CARMIL2: variants seen among roughly 807,000 people sequenced by gnomAD.
The protein encoded by CARMIL2 is capping protein regulator and myosin 1 linker 2, also known as capping protein, Arp2/3 and myosin-I linker protein 2.
In CARMIL2, 96 loss-of-function variants were observed where a neutral mutation model predicts 173.3. That is an observed-to-expected ratio of 0.55 (90% CI 0.47 to 0.66). The LOEUF (loss-of-function observed/expected upper bound fraction) is 0.66, where lower values mean the gene tolerates loss of function less well. Ranked by LOEUF, CARMIL2 falls within the 30% of genes least tolerant of loss-of-function variation. CARMIL2 has a pLI of 0.00. For synonymous variants in CARMIL2, 830 were observed against 817.1 expected (o/e 1.02, Z -0.27); for missense variants, 1,771 against 1,906.7 (o/e 0.93, Z 1.33).
At position 67,647,840 on chromosome 16, in the gene CARMIL2, C is replaced by G. The variant is rs751403586; in HGVS notation, c.959-6C>G. On this transcript the variant is annotated splice_polypyrimidine_tract_variant and splice_region_variant and intron_variant, in intron 12 of 37. Coordinates refer to ENST00000334583, the MANE Select transcript of CARMIL2 (RefSeq NM_001013838.3). ...CAACTGCTGAGTGACCCCGACCCAC[C>G]ACCAGGAATGAGGGCTCTGGGCCGG... is the stretch of plus-strand genomic sequence containing the variant. 1 of 1,606,142 alleles carries G rather than the reference C, an allele frequency of 6.2e-7. No homozygotes were observed. The highest frequency in any genetic ancestry group is 1.1e-5 in the South Asian group (1 of 89,782).
At chr16:67,655,005 C>CATG in intron 32 of CARMIL2, 105 bp downstream of exon 32, 1 of 1,415,680 alleles carries the variant, frequency 7.1e-7, no homozygotes, top group Non-Finnish European at 9.7e-7. Context: ...GTCTAATTGT[C>CATG]AGTTCTACTC....
rs2142939726 is a variant in CARMIL2 at position 67,652,834 on chromosome 16, G to C, written c.2885-185G>C. 4.5e-6 allele frequency: 1 copy of C among 224,182 alleles called. No individual in the cohort carries two copies. Among genetic ancestry groups the C allele is most frequent in the South Asian group, 1.0e-4 (1 of 10,050 alleles). 13.9% of individuals were successfully genotyped at this position (224,182 alleles called of 1,614,324 possible). A position where few individuals can be genotyped will look rare whatever the true frequency, so the allele number is the denominator to read the frequency against. On this transcript the variant is annotated intron_variant, in intron 28 of 37. Transcript: ENST00000334583. This position sits in a 1 kb window ranked among gnomAD's most constrained non-coding sequence, Gnocchi z 4.7. ...GCGGCGCGGAGCCGCGCGCGCTCGGGGCCGCGCTCAGCACCACGGACAGCG... is the reference window on the plus strand; with the variant it reads ...GCGGCGCGGAGCCGCGCGCGCTCGGCGCCGCGCTCAGCACCACGGACAGCG...
Position 67,649,908 on chromosome 16 carries a change from G to A in CARMIL2, c.2022G>A (p.Leu674=). The A allele has an allele frequency of 6.2e-7, 1 of 1,613,218 alleles. No individual in the cohort carries two copies. The highest frequency in any genetic ancestry group is 8.5e-7 in the Non-Finnish European group (1 of 1,179,864). The change falls in exon 21 of 38, where the codon CTG becomes CTA. Residue 674 remains leucine, a synonymous_variant. Transcript: ENST00000334583. This position sits in a 1 kb window ranked among gnomAD's most constrained non-coding sequence, Gnocchi z 6.7. ...GCCTGAAGGCCATGCCTCTGCCACT[G>A]AACGACGTGGCCCAGGCGCAGCGCA... ...NHSLKAMPLP[L]NDVAQAQRSR...
rs749807721 is a variant in CARMIL2, at chr16:67,656,395, G to A, written c.3815-29G>A. On this transcript the variant is annotated intron_variant, in intron 34 of 37. Transcript: ENST00000334583. The stretch of plus-strand genomic sequence containing the variant: ...CAGACCTATCGCCAATGCCTGACCA[G>A]GTCTTGGCTGACACCTTTCTCCCTA... 2.5e-6 allele frequency: 4 copies of A among 1,609,530 alleles called. No individual in the cohort carries two copies. In the African/African-American group the frequency reaches 5.3e-5, roughly 22 times the overall value.
chr16:67,651,717 G>T lies in CARMIL2; in HGVS notation c.2460G>T (p.Arg820Ser). ...CTCAGGCCACACTGGACACAGCAAG[G>T]AGCCTCTGCCCACAGATGCTGCAGG... is the stretch of plus-strand genomic sequence containing the variant. ...DFTQATLDTA[R>S]SLCPQMLQGS... The change falls in exon 25 of 38, where the codon AGG (arginine) becomes AGT (serine). Residue 820 changes from arginine (R) to serine (S), a missense_variant. Coordinates refer to ENST00000334583, the MANE Select transcript of CARMIL2 (RefSeq NM_001013838.3). The surrounding 1 kb of genome is among the most constrained non-coding windows in gnomAD (Gnocchi z 4.2). 1 of 1,607,184 alleles carries T rather than the reference G, an allele frequency of 6.2e-7. No individual in the cohort carries two copies. Among genetic ancestry groups the T allele is most frequent in the East Asian group, 2.2e-5 (1 of 44,662 alleles).
Position 67,646,103 on chromosome 16 carries a change from T to C in CARMIL2, c.249+23T>C. 6.2e-7 allele frequency: 1 copy of C among 1,613,772 alleles called. No individual in the cohort carries two copies. The highest frequency in any genetic ancestry group is 8.5e-7 in the Non-Finnish European group (1 of 1,179,860). On this transcript the variant is annotated intron_variant, in intron 4 of 37. Transcript: ENST00000334583. The surrounding 1 kb of genome is among the most constrained non-coding windows in gnomAD (Gnocchi z 4.6). ...CAGGTGAGACACCTAGTACCCTACC[T>C]GGGCCTGCAGCCTGGTCTTCATGCT...
chr16:67,645,759 C>G lies in CARMIL2; in HGVS notation c.168C>G (p.Thr56=). ...LLRWRAYLLH[T]TCLPLRVDCT... ...GATGGAGAGCCTACCTGCTGCACAC[C>G]ACCTGCCTCCCGCTGAGGGTGAGTC... Residue 56 remains threonine, a synonymous_variant, in exon 3 of 38, where the codon ACC becomes ACG. Coordinates refer to ENST00000334583, the MANE Select transcript of CARMIL2 (RefSeq NM_001013838.3). The G allele has an allele frequency of 6.2e-7, 1 of 1,612,710 alleles. No individual in the cohort carries two copies. The highest frequency in any genetic ancestry group is 8.5e-7 in the Non-Finnish European group (1 of 1,179,892).
Position 67,646,761 on chromosome 16 carries a change from C to A in CARMIL2, c.514C>A (p.Pro172Thr). Residue 172 changes from proline (P) to threonine (T), a missense_variant, in exon 7 of 38, where the codon CCT (proline) becomes ACT (threonine). Physicochemically the swap from Pro to Thr is conservative, Grantham distance 38. Around this residue, in one of 3 missense-constraint regions of CARMIL2, gnomAD observed 944 missense variants for 975.6 expected, o/e 0.97. Coordinates refer to ENST00000334583, the MANE Select transcript of CARMIL2 (RefSeq NM_001013838.3). The surrounding 1 kb of genome is among the most constrained non-coding windows in gnomAD (Gnocchi z 4.6). ...GGCTCTGTGTGACTACAATGGCTTCCCTTTCCGAGAGGAGATTCAGTGGGT... is the reference window on the plus strand; with the variant it reads ...GGCTCTGTGTGACTACAATGGCTTCACTTTCCGAGAGGAGATTCAGTGGGT... ...YEALCDYNGF[P>T]FREEIQWDVD... 1.9e-6 allele frequency: 3 copies of A among 1,613,970 alleles called. No individual in the cohort carries two copies. The highest frequency in any genetic ancestry group is 2.5e-6 in the Non-Finnish European group (3 of 1,179,882).
chr16:67,652,672 G>C lies in CARMIL2; in HGVS notation c.2884+134G>C. 1.2e-6 allele frequency: 1 copy of C among 861,374 alleles called. No individual in the cohort carries two copies. Among genetic ancestry groups the C allele is most frequent in the East Asian group, 2.7e-5 (1 of 37,558 alleles). 53.4% of individuals were successfully genotyped at this position (861,374 alleles called of 1,614,324 possible). On this transcript the variant is annotated intron_variant, in intron 28 of 37. Transcript: ENST00000334583. This position sits in a 1 kb window ranked among gnomAD's most constrained non-coding sequence, Gnocchi z 4.7. Reference sequence around the variant, plus strand: ...CCAGCCCTTGACTGGGCCAGGTCGGGCCCCTTGTGCAACCTGCAAAGCTGG... The same window carrying C: ...CCAGCCCTTGACTGGGCCAGGTCGGCCCCCTTGTGCAACCTGCAAAGCTGG...
Position 67,652,352 on chromosome 16 carries a change from A to G in CARMIL2, c.2817+13A>G. Reference sequence around the variant, plus strand: ...GGAGAAGGAGAAGGTAAGTGGTTTTAGAACACGGGGCATGGCACTCCCAGT... The same window carrying G: ...GGAGAAGGAGAAGGTAAGTGGTTTTGGAACACGGGGCATGGCACTCCCAGT... On this transcript the variant is annotated intron_variant, in intron 27 of 37. Transcript: ENST00000334583. The surrounding 1 kb of genome is among the most constrained non-coding windows in gnomAD (Gnocchi z 4.7). The G allele has an allele frequency of 6.2e-7, 1 of 1,613,164 alleles. No homozygotes were observed. The highest frequency in any genetic ancestry group is 8.5e-7 in the Non-Finnish European group (1 of 1,179,712).
chr16:67,649,487 TG>T lies in CARMIL2; in HGVS notation c.1790del (p.Gly597ValfsTer9). The T allele has an allele frequency of 6.2e-7, 1 of 1,610,766 alleles. No individual in the cohort carries two copies. On this transcript the variant is annotated frameshift_variant, in exon 20 of 38. Transcript: ENST00000334583. LOFTEE classifies it high-confidence loss of function. The surrounding 1 kb of genome is among the most constrained non-coding windows in gnomAD (Gnocchi z 6.7). ...TCGGTGGCTGAGTCTCGGCTGAAGC[TG>T]GGTGCCAGCGTCCTACTCCGGGCCC... is the stretch of plus-strand genomic sequence containing the variant. ...SLSVAESRLKLGASVLLRALA... is the reference protein window; with the variant it reads ...SLSVAESRLKXGASVLLRALA...
At position 67,648,473 on chromosome 16, in the gene CARMIL2, G is replaced by C; in HGVS notation, c.1410G>C (p.Ala470=). The C allele has an allele frequency of 7.0e-7, 1 of 1,438,446 alleles. No individual in the cohort carries two copies. Among genetic ancestry groups the C allele is most frequent in the Non-Finnish European group, 9.1e-7 (1 of 1,104,564 alleles). 89.1% of individuals were successfully genotyped at this position (1,438,446 alleles called of 1,614,324 possible). A position where few individuals can be genotyped will look rare whatever the true frequency, so the allele number is the denominator to read the frequency against. The change falls in exon 15 of 38, where the codon GCG becomes GCC. Residue 470 remains alanine (A), a synonymous_variant. Coordinates refer to ENST00000334583, the MANE Select transcript of CARMIL2 (RefSeq NM_001013838.3). This position sits in a 1 kb window ranked among gnomAD's most constrained non-coding sequence, Gnocchi z 6.1. ...RARTLRHLGL[A]GCKLPPDALR... ...GGACGCTGCGGCACCTGGGCCTGGC[G>C]GGCTGCAAGCTGCCGCCCGACGCGC...
Position 67,648,488 on chromosome 16 carries a change from G to T in CARMIL2, c.1425G>T (p.Pro475=), listed in dbSNP as rs2052645565. The T allele has an allele frequency of 1.4e-6, 2 of 1,434,666 alleles. No homozygotes were observed. The highest frequency in any genetic ancestry group is 3.0e-5 in the Admixed American group (1 of 32,998). The allele number at this position is 1,434,666 out of a possible 1,614,324, so 88.9% of individuals were successfully genotyped here. A position where few individuals can be genotyped will look rare whatever the true frequency, so the allele number is the denominator to read the frequency against. Residue 475 remains proline, a synonymous_variant, in exon 15 of 38, where the codon CCG becomes CCT. Transcript: ENST00000334583. The surrounding 1 kb of genome is among the most constrained non-coding windows in gnomAD (Gnocchi z 6.1). ...TGGGCCTGGCGGGCTGCAAGCTGCC[G>T]CCCGACGCGCTCAGGTCAGTGTCGG... ...RHLGLAGCKL[P]PDALRALLDG... is the part of the protein sequence containing the mutation.
chr16:67,647,550 A>G lies in CARMIL2; in HGVS notation c.819A>G (p.Ser273=). ...RRLAQALAGH[S]SSGLRELSLA... is the part of the protein sequence containing the mutation. Reference sequence around the variant, plus strand: ...TGGCCCAGGCGCTGGCGGGACACTCAAGCTCTGGGCTGCGGGAGCTCAGCC... The same window carrying G: ...TGGCCCAGGCGCTGGCGGGACACTCGAGCTCTGGGCTGCGGGAGCTCAGCC... The change falls in exon 11 of 38, where the codon TCA becomes TCG. Residue 273 remains serine, a synonymous_variant. Transcript: ENST00000334583. The G allele has an allele frequency of 2.5e-6, 4 of 1,610,902 alleles. No individual in the cohort carries two copies. Among genetic ancestry groups the G allele is most frequent in the Non-Finnish European group, 3.4e-6 (4 of 1,178,816 alleles).
At position 67,648,496 on chromosome 16, in the gene CARMIL2, C is replaced by G; in HGVS notation, c.1433C>G (p.Ala478Gly). ...GCGGGCTGCAAGCTGCCGCCCGACG[C>G]GCTCAGGTCAGTGTCGGACCCCGGC... Reference protein sequence around the residue: ...GLAGCKLPPDALRALLDGLAL... With the variant: ...GLAGCKLPPDGLRALLDGLAL... The change falls in exon 15 of 38, where the codon GCG becomes GGG. Residue 478 changes from alanine to glycine, a missense_variant. Physicochemically the swap from Ala to Gly is moderately conservative, Grantham distance 60. Coordinates refer to ENST00000334583, the MANE Select transcript of CARMIL2 (RefSeq NM_001013838.3). The surrounding 1 kb of genome is among the most constrained non-coding windows in gnomAD (Gnocchi z 6.1). 2.8e-6 allele frequency: 4 copies of G among 1,439,838 alleles called. No homozygotes were observed. Among genetic ancestry groups the G allele is most frequent in the Non-Finnish European group, 3.6e-6 (4 of 1,102,050 alleles). The allele number at this position is 1,439,838 out of a possible 1,614,324, so 89.2% of individuals were successfully genotyped here.
Position 67,649,017 on chromosome 16 carries a change from T to TCCCAATC in CARMIL2, c.1591+48_1592-48dup. 1 of 1,602,550 alleles carries TCCCAATC rather than the reference T, an allele frequency of 6.2e-7. No individual in the cohort carries two copies. The highest frequency in any genetic ancestry group is 1.3e-5 in the African/African-American group (1 of 74,770). ...CCCATCCTCGCATCATCCACTCGAT[T>TCCCAATC]CCCAATCCCCACCCTACCCTTGCAA... On this transcript the variant is annotated intron_variant, in intron 17 of 37. Transcript: ENST00000334583. The surrounding 1 kb of genome is among the most constrained non-coding windows in gnomAD (Gnocchi z 6.7).
chr16:67,654,363 G>A lies in CARMIL2; in HGVS notation c.3253G>A (p.Gly1085Arg). ...WAPEEDPATE[G>R]GATPVPRTLR... ...CCCCGAGGAGGACCCGGCCACTGAG[G>A]GGGGCGCCACTCCTGTCCCCCGTAC... The change falls in exon 31 of 38, where the codon GGG becomes AGG. Residue 1085 changes from glycine to arginine, a missense_variant. By Grantham distance (125) the Gly-to-Arg change is moderately radical. Transcript: ENST00000334583. 1.9e-6 allele frequency: 3 copies of A among 1,602,652 alleles called. No homozygotes were observed. Among genetic ancestry groups the A allele is most frequent in the Non-Finnish European group, 2.6e-6 (3 of 1,175,090 alleles).
chr16:67,653,963 G>A lies in CARMIL2; in HGVS notation c.3121-186G>A, dbSNP rs1197106671. On this transcript the variant is annotated intron_variant, in intron 29 of 37. Transcript: ENST00000334583. The surrounding 1 kb of genome is among the most constrained non-coding windows in gnomAD (Gnocchi z 7.4). ...GTGTGCGGGAGCCAGCAGCGAGTGAGGAGTGCGTGAAATCTGGAGTCTCTG... is the reference window on the plus strand; with the variant it reads ...GTGTGCGGGAGCCAGCAGCGAGTGAAGAGTGCGTGAAATCTGGAGTCTCTG... Among the ~76,000 whole-genome samples, 1 of 152,058 alleles carries A rather than the reference G, an allele frequency of 6.6e-6. No homozygotes were observed. Among genetic ancestry groups the A allele is most frequent in the South Asian group, 2.1e-4 (1 of 4,826 alleles).
In CARMIL2 at chr16:67,654,245, C is replaced by T. The variant is rs1167394626; in HGVS notation, c.3217C>T (p.Arg1073Cys). 1 of 1,570,318 alleles carries T rather than the reference C, an allele frequency of 6.4e-7. No homozygotes were observed. Among genetic ancestry groups the T allele is most frequent in the Admixed American group, 1.9e-5 (1 of 53,418 alleles). Residue 1073 changes from arginine (R) to cysteine (C), a missense_variant, in exon 30 of 38, where the codon CGC becomes TGC. Physicochemically the swap from Arg to Cys is radical, Grantham distance 180 (BLOSUM62 -3). Coordinates refer to ENST00000334583, the MANE Select transcript of CARMIL2 (RefSeq NM_001013838.3). Reference sequence around the variant, plus strand: ...CTCCAAAAGGCTGATCCAGCAGGATCGCCTGTGAGTGAGGGGCATCTGCTG... The same window carrying T: ...CTCCAAAAGGCTGATCCAGCAGGATTGCCTGTGAGTGAGGGGCATCTGCTG... ...FFSKRLIQQD[R>C]LWAPEEDPAT...
Sources: gnomAD v4.1 joint callset for allele counts (sites outside exome capture counted in the v4.1 genomes callset) on GRCh38, gnomAD v4.1.1 for gene constraint, gnomAD v4.1.1 regional missense constraint, Gnocchi (gnomAD v3.1) non-coding constraint, MANE v1.5 for transcripts, NCBI Gene and HGNC (gene_info 2026-07-23, HGNC 2026-07-21) for gene names.